Variants in FAT3 observed in about 807,000 individuals in gnomAD.
FAT3 encodes the protein protocadherin Fat 3.
A neutral mutation model predicts 310.2 loss-of-function variants in FAT3; 95 were observed. That is an observed-to-expected ratio of 0.31 (90% CI 0.26 to 0.36). The LOEUF is 0.36. Among genes scored for constraint, FAT3 ranks in the 10% least tolerant of loss-of-function variants. The probability of loss-of-function intolerance (pLI) is 1.00; values close to 1 mark genes in which losing one functional copy is unlikely to be tolerated. For synonymous variants in FAT3, 2,314 were observed against 2,192.9 expected (o/e 1.06, Z -1.54); for missense variants, 5,408 against 5,715.6 (o/e 0.95, Z 1.74).
chr11:92,822,929 T>G (rs1044135373), intron 13 of FAT3, among the ~76,000 whole-genome samples: 17 of 152,218 alleles, frequency 1.1e-4, no homozygotes, highest in African/African-American at 4.1e-4. Context: ...ATGCCCTTTC[T>G]TCTTGTCACT....
intron 2 of FAT3, among the ~76,000 whole-genome samples, chr11:92,375,908 C>G (rs1202003573): frequency 2.0e-5 from 3 of 152,186 alleles, no homozygotes; most frequent in Non-Finnish European, 2.9e-5. Flanking sequence ...TATCACACAT[C>G]TCTGCTTTTA....
At position 92,630,818 on chromosome 11, in the gene FAT3, G is replaced by T. The variant is rs1453030676; in HGVS notation, c.3608-66566G>T. On this transcript the variant is annotated intron_variant, in intron 3 of 27. Coordinates refer to ENST00000525166, the MANE Select transcript of FAT3 (RefSeq NM_001367949.2). ...ATGTTCTCACCCACCCCTATTGAATGCTTAACTCCATGAATTTAGAAAGTA... is the reference window on the plus strand; with the variant it reads ...ATGTTCTCACCCACCCCTATTGAATTCTTAACTCCATGAATTTAGAAAGTA... Among the ~76,000 whole-genome samples, 3 of 152,126 alleles carry T rather than the reference G, an allele frequency of 2.0e-5. No individual in the cohort carries two copies. In the East Asian group the frequency reaches 5.8e-4, roughly 29 times the overall value.
chr11:92,634,165 T>C (rs1190836644), intron 3 of FAT3, among the ~76,000 whole-genome samples: 25 of 152,170 alleles, frequency 1.6e-4, no homozygotes, highest in Admixed American at 1.6e-3. Flanking sequence ...ATTAAATGGG[T>C]AGCATCCCAA....
intron 2 of FAT3, among the ~76,000 whole-genome samples, chr11:92,399,344 A>T (rs1353223682): frequency 6.6e-6 from 1 of 152,198 alleles, no homozygotes; most frequent in East Asian, 1.9e-4. Flanking sequence ...TAACCTGAGG[A>T]TAGAATTCGG....
chr11:92,732,034 A>G (rs1945197804), intron 4 of FAT3, among the ~76,000 whole-genome samples: 1 of 152,150 alleles, frequency 6.6e-6, no homozygotes, highest in Non-Finnish European at 1.5e-5. Context: ...TTTACTCTGT[A>G]TTCTAACTTC....
chr11:92,389,192 G>A (rs1379329619), intron 2 of FAT3, among the ~76,000 whole-genome samples: 2 of 152,138 alleles, frequency 1.3e-5, no homozygotes, highest in African/African-American at 4.8e-5. Context: ...TTTTCTCAAG[G>A]TGTCTCAGTC....
chr11:92,398,500 C>CAA (rs35977408), intron 2 of FAT3, among the ~76,000 whole-genome samples: 806 of 80,340 alleles, frequency 0.01, 3 homozygotes, highest in Middle Eastern at 0.04. Context: ...AACTCCGTCC[C>CAA]AAAAAAAAAA....
intron 1 of FAT3, among the ~76,000 whole-genome samples, chr11:92,331,003 TGAGAGAGA>T (rs67328951): frequency 0.048 from 6,453 of 133,480 alleles, 393 homozygotes; most frequent in African/African-American, 0.18. Context: ...TGTGTGTGTG[TGAGAGAGA>T]GAGAGAGAGA....
Position 92,352,534 on chromosome 11 carries a change from G to T in FAT3, c.422G>T (p.Trp141Leu). Residue 141 changes from tryptophan to leucine, a missense_variant, in exon 2 of 28, where the codon TGG becomes TTG. Physicochemically the swap from Trp to Leu is moderately conservative, Grantham distance 61. This residue lies in a region of FAT3 where 152 missense variants were observed against 188.3 expected (regional missense o/e 0.81). Coordinates refer to ENST00000525166, the MANE Select transcript of FAT3 (RefSeq NM_001367949.2). ...GTCAGAGGAGAGGATTTGGAAGCAT[G>T]GACCAAAGTGAATATACAGGTTTTA... is the stretch of plus-strand genomic sequence containing the variant. ...GSVRGEDLEA[W>L]TKVNIQVLDM... 1 of 1,613,586 alleles carries T rather than the reference G, an allele frequency of 6.2e-7. No homozygotes were observed. Among genetic ancestry groups the T allele is most frequent in the South Asian group, 1.1e-5 (1 of 90,962 alleles).
rs548024174 is a variant in FAT3 at position 92,801,691 on chromosome 11, T to C, written c.8678T>C (p.Val2893Ala). 1 of 1,613,970 alleles carries C rather than the reference T, an allele frequency of 6.2e-7. No individual in the cohort carries two copies. The highest frequency in any genetic ancestry group is 1.1e-5 in the South Asian group (1 of 91,076). Residue 2893 changes from valine to alanine, a missense_variant, in exon 10 of 28, where the codon GTG (valine) becomes GCG (alanine). Val to Ala is a moderately conservative substitution (Grantham distance 64). Around this residue, in one of 5 missense-constraint regions of FAT3, gnomAD observed 4,588 missense variants for 4,809.8 expected, o/e 0.95. Transcript: ENST00000525166. The part of the protein sequence containing the change: ...HETDPTFTFS[V>A]VASDLGEAFS... ...ACAGACCCCACATTCACCTTCTCTG[T>C]GGTGGCCTCTGACCTTGGAGAGGCA...
chr11:92,859,050 C>A (rs1949054410), intron 20 of FAT3, 115 bp from the exon 21 acceptor site: 16 of 929,690 alleles, frequency 1.7e-5, no homozygotes, highest in Non-Finnish European at 2.3e-5. Flanking sequence ...CCTTCATTAA[C>A]TTCTCATGCA....
At chr11:92,671,562 C>T (rs1450948268) in intron 3 of FAT3, among the ~76,000 whole-genome samples, 1 of 152,056 alleles carries the variant, frequency 6.6e-6, no homozygotes, top group African/African-American at 2.4e-5. Flanking sequence ...TGGGCCTTCC[C>T]TGTACACTGA....
At chr11:92,603,278 G>T (rs1272744720) in intron 3 of FAT3, among the ~76,000 whole-genome samples, 1 of 152,152 alleles carries the variant, frequency 6.6e-6, no homozygotes, top group Non-Finnish European at 1.5e-5. Context: ...CTAGGGGCGT[G>T]CAATTTCATA....
At chr11:92,746,417 G>A (rs1458884760) in intron 4 of FAT3, among the ~76,000 whole-genome samples, 5 of 152,242 alleles carry the variant, frequency 3.3e-5, no homozygotes, top group South Asian at 4.1e-4. Flanking sequence ...GAGAAACCGC[G>A]CCCATGATTC....
At chr11:92,813,739 C>G (rs1371543311) in intron 13 of FAT3, among the ~76,000 whole-genome samples, 4 of 152,130 alleles carry the variant, frequency 2.6e-5, no homozygotes, top group Admixed American at 2.6e-4. Context: ...TCCAAGTTGT[C>G]TAATTGGTTT....
intron 1 of FAT3, among the ~76,000 whole-genome samples, chr11:92,277,204 G>A (rs1440413861): frequency 6.6e-6 from 1 of 152,120 alleles, no homozygotes. Context: ...GAAAAAACTA[G>A]TTTCCAGAAA....
At chr11:92,256,587 T>C (rs1865328020) in intron 1 of FAT3, among the ~76,000 whole-genome samples, 1 of 152,124 alleles carries the variant, frequency 6.6e-6, no homozygotes, top group African/African-American at 2.4e-5. Context: ...TTGGCATGTG[T>C]AAACCAAGCC....
At chr11:92,664,613 A>G (rs983267474) in intron 3 of FAT3, among the ~76,000 whole-genome samples, 1 of 152,196 alleles carries the variant, frequency 6.6e-6, no homozygotes, top group Non-Finnish European at 1.5e-5. Flanking sequence ...ACACATGCAC[A>G]CTTTTTAAAG....
At chr11:92,713,673 T>C (rs1944592975) in intron 4 of FAT3, among the ~76,000 whole-genome samples, 1 of 152,230 alleles carries the variant, frequency 6.6e-6, no homozygotes, top group Admixed American at 6.5e-5. Context: ...AACTAAACTA[T>C]TTAAATTCTT....
Sources: gnomAD v4.1 joint callset for allele counts (sites outside exome capture counted in the v4.1 genomes callset) on GRCh38, gnomAD v4.1.1 for gene constraint, gnomAD v4.1.1 regional missense constraint, MANE v1.5 for transcripts, NCBI Gene and HGNC (gene_info 2026-07-23, HGNC 2026-07-21) for gene names.